Variants in MYO3A observed in about 807,000 individuals in gnomAD.
MYO3A encodes myosin IIIA.
Under a neutral mutation model 192.7 loss-of-function variants are expected in MYO3A, and 180 were observed. The observed-to-expected ratio is 0.93, with a 90% CI of 0.83 to 1.06. MYO3A has a LOEUF of 1.06. Ranked by LOEUF, MYO3A falls within the 50% of genes least tolerant of loss-of-function variation. The pLI, the probability that MYO3A is intolerant of heterozygous loss-of-function variation, is 0.00. For synonymous variants in MYO3A, 628 were observed against 645.3 expected (o/e 0.97, Z 0.41); for missense variants, 1,896 against 1,905.0 (o/e 1.00, Z 0.09).
chr10:25,957,763 T>C (rs1487914835), intron 4 of MYO3A, among the ~76,000 whole-genome samples: 5 of 152,192 alleles, frequency 3.3e-5, no homozygotes, highest in Non-Finnish European at 7.4e-5. Context: ...CTGTTATTTT[T>C]TGACTTTTTA....
intron 10 of MYO3A, among the ~76,000 whole-genome samples, chr10:26,041,677 T>C (rs528546418): frequency 6.8e-6 from 1 of 147,942 alleles, no homozygotes; most frequent in African/African-American, 2.4e-5. Flanking sequence ...CTTAACAATG[T>C]TTGCATAAAC....
At chr10:26,193,702 G>T (rs187305830) in intron 32 of MYO3A, among the ~76,000 whole-genome samples, 1 of 152,158 alleles carries the variant, frequency 6.6e-6, no homozygotes, top group East Asian at 1.9e-4. Flanking sequence ...GGAAACAGAC[G>T]TTTATTAAGC....
rs191904101 is a variant in MYO3A, at chr10:26,090,231, G to A, written c.1562+1826G>A. On this transcript the variant is annotated intron_variant, in intron 15 of 34. Transcript: ENST00000642920. ...CACAATGTCAAGGGATATAATTCAC[G>A]GTGTATTCTATGGAGTTGAGTGCAG... 3.1e-3 allele frequency among the ~76,000 whole-genome samples: 469 copies of A among 152,258 alleles called. 3 individuals are homozygous for A. The highest frequency in any genetic ancestry group is 0.01 in the African/African-American group (431 of 41,544).
At position 26,210,166 on chromosome 10, in the gene MYO3A, G is replaced by A. The variant is rs113750740; in HGVS notation, c.4731-1677G>A. Among the ~76,000 whole-genome samples, 924 of 151,664 alleles carry A rather than the reference G, an allele frequency of 6.1e-3. 6 individuals carry two copies. The highest frequency in any genetic ancestry group is 0.045 in the Middle Eastern group (13 of 290). On this transcript the variant is annotated intron_variant, in intron 34 of 34. Transcript: ENST00000642920. ...AGGAAGGAAGAAAGGAAGGAAGGAA[G>A]GGAGGGAGGGAAGGAATTGTCTTTG...
chr10:26,187,130 C>A (rs750545289), intron 31 of MYO3A, among the ~76,000 whole-genome samples: 1 of 152,132 alleles, frequency 6.6e-6, no homozygotes, highest in African/African-American at 2.4e-5. Flanking sequence ...AAATCACAGT[C>A]TTTGCATCTC....
chr10:25,947,819 T>C (rs772901811), intron 2 of MYO3A, among the ~76,000 whole-genome samples: 33 of 152,248 alleles, frequency 2.2e-4, no homozygotes, highest in Non-Finnish European at 4.6e-4. Context: ...GACTATCTAC[T>C]ATGTGTCAGG....
intron 2 of MYO3A, among the ~76,000 whole-genome samples, chr10:25,937,446 G>C (rs541371264): frequency 1.4e-4 from 21 of 152,294 alleles, no homozygotes; most frequent in African/African-American, 4.8e-4. Context: ...GAATAATCCT[G>C]TATTGCAATT....
chr10:26,117,404 A>G (rs184825007), intron 17 of MYO3A, among the ~76,000 whole-genome samples: 1 of 152,302 alleles, frequency 6.6e-6, no homozygotes, highest in East Asian at 1.9e-4. Flanking sequence ...TTTGTTGTAC[A>G]GATTATTTCA....
At chr10:26,051,166 A>G (rs1843974240) in intron 10 of MYO3A, among the ~76,000 whole-genome samples, 1 of 152,226 alleles carries the variant, frequency 6.6e-6, no homozygotes, top group Non-Finnish European at 1.5e-5. Flanking sequence ...ATAAGCAAAT[A>G]AGTGGAGCAT....
At chr10:26,047,992 A>C (rs528397662) in intron 10 of MYO3A, among the ~76,000 whole-genome samples, 1 of 152,102 alleles carries the variant, frequency 6.6e-6, no homozygotes, top group Non-Finnish European at 1.5e-5. Context: ...CATTTTTGTC[A>C]TTATATCAAA....
chr10:26,066,225 CTGAG>C (rs1392752125), intron 10 of MYO3A, among the ~76,000 whole-genome samples: 1 of 151,260 alleles, frequency 6.6e-6, no homozygotes, highest in African/African-American at 2.4e-5. Flanking sequence ...TTACAGTTTT[CTGAG>C]TAAGTGTTAA....
chr10:26,089,780 G>T (rs1461327405), intron 15 of MYO3A, among the ~76,000 whole-genome samples: 1 of 152,030 alleles, frequency 6.6e-6, no homozygotes, highest in East Asian at 1.9e-4. Flanking sequence ...CTGCACCTCT[G>T]TTTTTCATCT....
chr10:26,096,201 T>C (rs1264340707), intron 15 of MYO3A, among the ~76,000 whole-genome samples, 180 bp from the exon 16 acceptor site: 2 of 152,212 alleles, frequency 1.3e-5, no homozygotes, highest in East Asian at 3.8e-4. Flanking sequence ...ATTTCTGGAA[T>C]TTAATGACAG....
chr10:26,006,031 T>C (rs1298476610), intron 6 of MYO3A, among the ~76,000 whole-genome samples: 1 of 152,038 alleles, frequency 6.6e-6, no homozygotes, highest in Non-Finnish European at 1.5e-5. Flanking sequence ...CAAAACTGAC[T>C]ATTTTTCAAA....
rs943583992 is a variant in MYO3A at position 26,096,560 on chromosome 10, T to C, written c.1662-8T>C. ...AGACTTTTATCCTTCCTTTTATATTTTTTTTAGGTACCTACAAAATGACCA... is the reference window on the plus strand; with the variant it reads ...AGACTTTTATCCTTCCTTTTATATTCTTTTTAGGTACCTACAAAATGACCA... On this transcript the variant is annotated splice_polypyrimidine_tract_variant and splice_region_variant and intron_variant, in intron 16 of 34. Transcript: ENST00000642920. 10 of 1,595,092 alleles carry C rather than the reference T, an allele frequency of 6.3e-6. No homozygotes were observed. Among genetic ancestry groups the C allele is most frequent in the Non-Finnish European group, 8.6e-6 (10 of 1,163,010 alleles).
intron 20 of MYO3A, among the ~76,000 whole-genome samples, chr10:26,141,405 G>GT (rs947456250): frequency 1.3e-5 from 2 of 152,024 alleles, no homozygotes; most frequent in Admixed American, 6.5e-5. Flanking sequence ...GAGTAATAGC[G>GT]TTTTTTTCTT....
At chr10:26,028,152 C>G (rs1379847722) in intron 10 of MYO3A, among the ~76,000 whole-genome samples, 2 of 152,156 alleles carry the variant, frequency 1.3e-5, no homozygotes, top group Non-Finnish European at 2.9e-5. Context: ...TATGTTATCT[C>G]ATGTGATTTT....
At chr10:26,192,935 G>A (rs555579222) in intron 31 of MYO3A, among the ~76,000 whole-genome samples, 13 of 152,068 alleles carry the variant, frequency 8.5e-5, no homozygotes, top group Non-Finnish European at 1.8e-4. Context: ...GATAACAGGC[G>A]TGAACCACTG....
chr10:26,007,258 A>C (rs1841289879), intron 6 of MYO3A, among the ~76,000 whole-genome samples: 1 of 150,848 alleles, frequency 6.6e-6, no homozygotes, highest in Admixed American at 6.6e-5. Context: ...ATCTATGACA[A>C]ACCCACAGCC....
Sources: allele counts gnomAD v4.1 joint callset (sites outside exome capture counted in the v4.1 genomes callset), GRCh38; gene constraint gnomAD v4.1.1; transcripts MANE v1.5; gene names NCBI Gene and HGNC (gene_info 2026-07-23, HGNC 2026-07-21).